The following SPATA1 variants were observed in gnomAD, a reference collection of about 807,000 sequenced individuals.
SPATA1 encodes the protein spermatogenesis associated 1.
Under a neutral mutation model 59.6 loss-of-function variants are expected in SPATA1, and 57 were observed. The observed-to-expected ratio is 0.96, with a 90% CI of 0.77 to 1.19. The LOEUF (loss-of-function observed/expected upper bound fraction) is 1.19. SPATA1 is among the 50% of genes most tolerant of loss of function. The pLI is 0.00. For missense variants in SPATA1, 448 were observed against 480.7 expected, an observed-to-expected ratio of 0.93 and a Z score of 0.64; for synonymous variants, 147 against 163.9, an observed-to-expected ratio of 0.90 and a Z score of 0.79.
chr1:84,539,518 T>G (rs1418082299), intron 8 of SPATA1, among the ~76,000 whole-genome samples: 1 of 152,254 alleles, frequency 6.6e-6, no homozygotes, highest in Non-Finnish European at 1.5e-5. Flanking sequence ...CTCTGGTGGA[T>G]GCTCAATGCT....
chr1:84,531,953 GAATT>G (rs1402302738), intron 6 of SPATA1, among the ~76,000 whole-genome samples: 2 of 152,148 alleles, frequency 1.3e-5, no homozygotes, highest in Non-Finnish European at 2.9e-5. Flanking sequence ...AAAAAAATCT[GAATT>G]AATACTGCCA....
chr1:84,545,608 A>G, intron 9 of SPATA1, 26 bp from the exon 10 acceptor site: 2 of 1,488,616 alleles, frequency 1.3e-6, no homozygotes, highest in East Asian at 2.6e-5. Context: ...TGAGACATTG[A>G]TGAATATGAG....
At chr1:84,536,553 C>T (rs887046190) in intron 8 of SPATA1, among the ~76,000 whole-genome samples, 20 of 152,352 alleles carry the variant, frequency 1.3e-4, no homozygotes, top group African/African-American at 4.6e-4. Flanking sequence ...ATGCCATTCT[C>T]CTGCCTCAGC....
intron 8 of SPATA1, among the ~76,000 whole-genome samples, chr1:84,542,702 AT>A (rs1002676492): frequency 1.3e-5 from 2 of 152,030 alleles, no homozygotes; most frequent in African/African-American, 4.8e-5. Context: ...CTGTGCCCAA[AT>A]TATGTTGTAG....
chr1:84,522,687 T>C (rs912293488), intron 4 of SPATA1, among the ~76,000 whole-genome samples, 180 bp downstream of exon 4: 4 of 152,304 alleles, frequency 2.6e-5, no homozygotes, highest in East Asian at 3.9e-4. Flanking sequence ...AGGCATGTTA[T>C]TGGGCATGAA....
In SPATA1 at chr1:84,544,095, A is replaced by G; in HGVS notation, c.718-107A>G. The G allele has an allele frequency of 7.0e-6, 5 of 717,522 alleles. 1 individual carries two copies. The highest frequency in any genetic ancestry group is 1.2e-5 in the Non-Finnish European group (5 of 418,200). 44.4% of individuals were successfully genotyped at this position (717,522 alleles called of 1,614,324 possible). A position where few individuals can be genotyped will look rare whatever the true frequency, so the allele number is the denominator to read the frequency against. ...ACAAAATTTGGAGTTCATCACCACT[A>G]AGTAAAAAGAATGCATTTCTGGTTT... On this transcript the variant is annotated intron_variant, in intron 8 of 12. Coordinates refer to ENST00000490879, the Ensembl canonical transcript of SPATA1.
chr1:84,549,896 C>A (rs1000185189), intron 11 of SPATA1: 12 of 150,878 alleles, frequency 8.0e-5, no homozygotes, highest in African/African-American at 2.9e-4. Context: ...ATAGCTTATA[C>A]TTTATCTTAC....
intron 12 of SPATA1, chr1:84,551,180 T>C (rs1684260005): frequency 9.1e-6 from 9 of 985,160 alleles, no homozygotes; most frequent in Admixed American, 6.2e-5. Context: ...CAGAAGATTA[T>C]ACATTTTCAT....
Position 84,548,863 on chromosome 1 carries a change from C to T in SPATA1, c.1024C>T (p.Arg342Ter), listed in dbSNP as rs1356792511. The T allele has an allele frequency of 6.4e-6, 10 of 1,569,940 alleles. No homozygotes were observed. The highest frequency in any genetic ancestry group is 8.6e-6 in the Non-Finnish European group (10 of 1,160,670). The change falls in exon 11 of 13, where the codon CGA (arginine) becomes TGA (stop). Residue 342 changes from arginine to a stop codon, truncating the protein, a stop_gained. Transcript: ENST00000490879. LOFTEE classifies it high-confidence loss of function. The stretch of plus-strand genomic sequence containing the variant: ...AATGGAGGAGGTTTTAACAAAACTT[C>T]GAGAAGATTTGGAACTCTACTATAA...
intron 1 of SPATA1, among the ~76,000 whole-genome samples, chr1:84,514,537 T>C (rs77885019): frequency 0.18 from 27,324 of 152,062 alleles, 2,493 homozygotes; most frequent in South Asian, 0.31. Context: ...TCAAATAGTT[T>C]CAGATTTTTG....
chr1:84,521,253 A>C (rs1570401316), intron 3 of SPATA1, among the ~76,000 whole-genome samples: 1 of 152,172 alleles, frequency 6.6e-6, no homozygotes, highest in East Asian at 1.9e-4. Flanking sequence ...ATATATCTAC[A>C]ACGCCTCTTT....
chr1:84,553,022 A>G (rs1198925351), intron 12 of SPATA1: 4 of 1,488,790 alleles, frequency 2.7e-6, no homozygotes, highest in Admixed American at 2.4e-5. Flanking sequence ...TTGAAAAGTA[A>G]TTCTTTTTAT....
Position 84,563,354 on chromosome 1 carries a change from C to T in SPATA1, n.443-2507C>T, listed in dbSNP as rs375887489. ...CATGATCGTTTTGTAGGGCACCTGA[C>T]GTCCTGCAGCGTCACTACAAGGAGC... On this transcript the variant is annotated intron_variant and non_coding_transcript_variant, in intron 4 of 4. Transcript: ENST00000460286. 181 of 1,594,858 alleles carry T rather than the reference C, an allele frequency of 1.1e-4. No individual in the cohort carries two copies. Among genetic ancestry groups the T allele is most frequent in the Middle Eastern group, 3.3e-4 (2 of 5,984 alleles).
intron 8 of SPATA1, among the ~76,000 whole-genome samples, chr1:84,538,058 T>C (rs945335939): frequency 1.3e-5 from 2 of 152,136 alleles, no homozygotes; most frequent in Admixed American, 6.5e-5. Flanking sequence ...CTGGACAAAT[T>C]GTGGGTTTTG....
chr1:84,562,558 A>G (rs186675393), intron 4 of SPATA1, among the ~76,000 whole-genome samples: 14 of 152,324 alleles, frequency 9.2e-5, no homozygotes, highest in Admixed American at 7.8e-4. Flanking sequence ...ACATAATCTG[A>G]AATAAATTCA....
exon 4 of SPATA1, chr1:84,522,468 A>T (rs754706903): frequency 5.8e-6 from 9 of 1,546,580 alleles, no homozygotes; most frequent in Non-Finnish European, 7.0e-6. Context: ...TTGCAGAAAA[A>T]TTTTTATTTC....
At chr1:84,565,295 TG>T (rs1684670128) in intron 4 of SPATA1, among the ~76,000 whole-genome samples, 1 of 152,048 alleles carries the variant, frequency 6.6e-6, no homozygotes, top group Admixed American at 6.6e-5. Flanking sequence ...AAGAGGATAA[TG>T]CAAAGCCTAC....
intron 6 of SPATA1, 79 bp from the exon 7 acceptor site, chr1:84,532,781 A>G (rs577588269): frequency 8.7e-6 from 8 of 916,286 alleles, no homozygotes; most frequent in Non-Finnish European, 1.4e-5. Context: ...TATAGTGTAC[A>G]TGTATAAAAA....
rs1558584251 is a variant in SPATA1 at position 84,525,687 on chromosome 1, T to C, written c.262-9T>C. 5 of 1,571,066 alleles carry C rather than the reference T, an allele frequency of 3.2e-6. No homozygotes were observed. The highest frequency in any genetic ancestry group is 4.3e-6 in the Non-Finnish European group (5 of 1,166,672). On this transcript the variant is annotated splice_polypyrimidine_tract_variant and intron_variant, in intron 4 of 12. Coordinates refer to ENST00000490879, the Ensembl canonical transcript of SPATA1. ...AAGCTTTAATTTTTTTCTCACTACT[T>C]ATTTCTAGGTGAAGGAAAAGCAAGA...
Sources: gnomAD v4.1 joint callset for allele counts (sites outside exome capture counted in the v4.1 genomes callset) on GRCh38, gnomAD v4.1.1 for gene constraint, MANE v1.5 for transcripts, NCBI Gene and HGNC (gene_info 2026-07-23, HGNC 2026-07-21) for gene names.